Variants in GPC6 observed in about 807,000 individuals in gnomAD.
GPC6 encodes the protein glypican-6.
Under a neutral mutation model 55.2 loss-of-function variants are expected in GPC6, and 14 were observed. That is an observed-to-expected ratio of 0.25 (90% CI 0.17 to 0.40). GPC6 has a LOEUF of 0.40. Among genes scored for constraint, GPC6 ranks in the 10% least tolerant of loss-of-function variants. The pLI, the probability that GPC6 is intolerant of heterozygous loss-of-function variation, is 1.00. For missense variants in GPC6, 641 were observed against 708.5 expected, an observed-to-expected ratio of 0.90 and a Z score of 1.08; for synonymous variants, 278 against 259.6, an observed-to-expected ratio of 1.07 and a Z score of -0.68.
At chr13:94,272,103 A>AT (rs1892046132) in intron 4 of GPC6, among the ~76,000 whole-genome samples, 2 of 152,060 alleles carry the variant, frequency 1.3e-5, no homozygotes, top group African/African-American at 4.8e-5. Flanking sequence ...TCTTTTCAAT[A>AT]ATACCAGTAT....
At position 93,987,228 on chromosome 13, in the gene GPC6, G is replaced by A. The variant is rs573211970; in HGVS notation, c.712-40501G>A. 9.4e-4 allele frequency among the ~76,000 whole-genome samples: 143 copies of A among 152,206 alleles called. 1 individual carries two copies. The highest frequency in any genetic ancestry group is 3.4e-3 in the African/African-American group (141 of 41,542). ...ATTTTTATGTTATCCTAAACAACTCGTTGGACCAGAACATTGTTGGAACAT... is the reference window on the plus strand; with the variant it reads ...ATTTTTATGTTATCCTAAACAACTCATTGGACCAGAACATTGTTGGAACAT... On this transcript the variant is annotated intron_variant, in intron 3 of 8. Coordinates refer to ENST00000377047, the MANE Select transcript of GPC6 (RefSeq NM_005708.5).
At chr13:94,180,448 T>G (rs1263204178) in intron 4 of GPC6, among the ~76,000 whole-genome samples, 1 of 152,184 alleles carries the variant, frequency 6.6e-6, no homozygotes, top group Non-Finnish European at 1.5e-5. Context: ...GAAGCCACAA[T>G]AAATGTATTT....
At chr13:93,670,666 T>G (rs1467443937) in intron 2 of GPC6, among the ~76,000 whole-genome samples, 1 of 152,180 alleles carries the variant, frequency 6.6e-6, no homozygotes, top group African/African-American at 2.4e-5. Context: ...TTAAATATAT[T>G]GTAATTTTTA....
intron 6 of GPC6, among the ~76,000 whole-genome samples, chr13:94,360,807 T>C (rs548039225): frequency 9.8e-5 from 15 of 152,314 alleles, no homozygotes; most frequent in Non-Finnish European, 2.1e-4. Context: ...AGTTCACCAG[T>C]TCTGTTGTAA....
intron 2 of GPC6, among the ~76,000 whole-genome samples, chr13:93,805,266 T>G (rs546139771): frequency 1.3e-5 from 2 of 152,178 alleles, no homozygotes; most frequent in Non-Finnish European, 2.9e-5. Context: ...TAGTTATCAA[T>G]ATAATAACAT....
chr13:93,727,714 G>A (rs552173122), intron 2 of GPC6, among the ~76,000 whole-genome samples: 1 of 152,204 alleles, frequency 6.6e-6, no homozygotes, highest in Non-Finnish European at 1.5e-5. Context: ...CAAACTGATG[G>A]CCAGCCATTT....
intron 1 of GPC6, among the ~76,000 whole-genome samples, chr13:93,234,707 AG>A (rs1876174365): frequency 6.9e-6 from 1 of 145,576 alleles, no homozygotes; most frequent in African/African-American, 2.6e-5. Context: ...AGAGAGAGAG[AG>A]TGCAAGAGAG....
chr13:93,525,045 A>T (rs1881596525), intron 1 of GPC6, among the ~76,000 whole-genome samples: 1 of 151,872 alleles, frequency 6.6e-6, no homozygotes, highest in Admixed American at 6.6e-5. Flanking sequence ...GAAGCTGTAG[A>T]CTCCTACTAA....
At chr13:94,094,016 A>G (rs1885584447) in intron 4 of GPC6, among the ~76,000 whole-genome samples, 2 of 151,840 alleles carry the variant, frequency 1.3e-5, no homozygotes, top group South Asian at 4.2e-4. Flanking sequence ...TTACTGCTGA[A>G]AAATACTTAA....
intron 1 of GPC6, among the ~76,000 whole-genome samples, chr13:93,416,405 C>T (rs749121520): frequency 1.2e-4 from 18 of 151,830 alleles, no homozygotes; most frequent in East Asian, 5.8e-4. Flanking sequence ...TTTTGATTTT[C>T]GATTTTTGTG....
At chr13:93,428,548 C>A (rs946280757) in intron 1 of GPC6, among the ~76,000 whole-genome samples, 28 of 152,112 alleles carry the variant, frequency 1.8e-4, no homozygotes, top group Admixed American at 1.4e-3. Flanking sequence ...GTGGATTTTT[C>A]TTTTATATCC....
intron 6 of GPC6, among the ~76,000 whole-genome samples, chr13:94,365,594 C>A (rs934749698): frequency 6.6e-6 from 1 of 152,146 alleles, no homozygotes; most frequent in Admixed American, 6.5e-5. Context: ...TTATGGCAAT[C>A]CGTCTCTACC....
chr13:93,456,936 T>C (rs1878476465), intron 1 of GPC6, among the ~76,000 whole-genome samples: 1 of 152,160 alleles, frequency 6.6e-6, no homozygotes, highest in African/African-American at 2.4e-5. Flanking sequence ...GTGGAAATAA[T>C]TGAATCATGG....
intron 6 of GPC6, among the ~76,000 whole-genome samples, chr13:94,320,679 T>C (rs1248914890): frequency 6.6e-6 from 1 of 152,192 alleles, no homozygotes; most frequent in African/African-American, 2.4e-5. Context: ...GTCATCTGGG[T>C]CTGAGGAATG....
At chr13:93,629,555 G>C (rs1449048745) in intron 2 of GPC6, among the ~76,000 whole-genome samples, 1 of 152,120 alleles carries the variant, frequency 6.6e-6, no homozygotes, top group Non-Finnish European at 1.5e-5. Flanking sequence ...TAGAAAGTTA[G>C]AAAAGATTAA....
chr13:93,678,881 T>C (rs543626340), intron 2 of GPC6, among the ~76,000 whole-genome samples: 1 of 152,164 alleles, frequency 6.6e-6, no homozygotes, highest in Non-Finnish European at 1.5e-5. Context: ...CTCTTCCTTT[T>C]GTCTGCAGAA....
chr13:94,313,843 C>G (rs1594159482), intron 6 of GPC6, among the ~76,000 whole-genome samples: 1 of 152,284 alleles, frequency 6.6e-6, no homozygotes, highest in South Asian at 2.1e-4. Context: ...AAATGTTACA[C>G]TTTCAGAGCC....
chr13:94,369,460 A>G (rs1879434482), intron 6 of GPC6, among the ~76,000 whole-genome samples: 1 of 152,268 alleles, frequency 6.6e-6, no homozygotes, highest in African/African-American at 2.4e-5. Flanking sequence ...CATGGGATAC[A>G]AAAGCAATAA....
chr13:93,517,973 A>ATAT (rs56379283), intron 1 of GPC6, among the ~76,000 whole-genome samples: 142,836 of 151,638 alleles, frequency 0.94, 67,839 homozygotes, highest in East Asian at 1. Flanking sequence ...TTGCTTATTA[A>ATAT]TATTATTATT....
Sources: gnomAD v4.1 joint callset for allele counts (sites outside exome capture counted in the v4.1 genomes callset) on GRCh38, gnomAD v4.1.1 for gene constraint, MANE v1.5 for transcripts, NCBI Gene and HGNC (gene_info 2026-07-23, HGNC 2026-07-21) for gene names.